Variants in SLC24A1 observed in about 807,000 individuals in gnomAD.
The protein encoded by SLC24A1 is sodium/potassium/calcium exchanger 1.
In SLC24A1, 52 loss-of-function variants were observed where a neutral mutation model predicts 88.1. The observed-to-expected ratio is 0.59, with a 90% confidence interval of 0.47 to 0.74. The LOEUF is 0.74. Ranked by LOEUF, SLC24A1 falls within the 30% of genes least tolerant of loss-of-function variation. SLC24A1 has a pLI of 0.00. For missense variants in SLC24A1, 1,173 were observed against 1,363.3 expected, an observed-to-expected ratio of 0.86 and a Z score of 2.20; for synonymous variants, 455 against 498.0, an observed-to-expected ratio of 0.91 and a Z score of 1.15.
At position 65,645,690 on chromosome 15, in the gene SLC24A1, A is replaced by G. The variant is rs1468484656; in HGVS notation, c.2219A>G (p.Asn740Ser). ...VPDIKGDQKE[N>S]PGGQEDVAEA... ...GACATCAAGGGAGATCAGAAGGAGAATCCAGGCGGTCAGGTAGGCACCCAG... is the reference window on the plus strand; with the variant it reads ...GACATCAAGGGAGATCAGAAGGAGAGTCCAGGCGGTCAGGTAGGCACCCAG... Residue 740 changes from asparagine (N) to serine (S), a missense_variant, in exon 6 of 10, where the codon AAT becomes AGT. Physicochemically the swap from Asn to Ser is conservative, Grantham distance 46 (BLOSUM62 1). Coordinates refer to ENST00000261892, the MANE Select transcript of SLC24A1 (RefSeq NM_004727.3). 13 of 1,573,478 alleles carry G rather than the reference A, an allele frequency of 8.3e-6. No individual in the cohort carries two copies. The highest frequency in any genetic ancestry group is 1.1e-5 in the Non-Finnish European group (13 of 1,159,406).
chr15:65,639,571 C>G (rs760612291), intron 3 of SLC24A1, 24 bp from the exon 4 acceptor site: 1 of 1,471,422 alleles, frequency 6.8e-7, no homozygotes. Context: ...CAGGGGCCCA[C>G]TGTGCGGCTC....
upstream of SLC24A1, among the ~76,000 whole-genome samples, chr15:65,621,197 G>A (rs2074307251): frequency 6.6e-6 from 1 of 152,252 alleles, no homozygotes; most frequent in Non-Finnish European, 1.5e-5. Flanking sequence ...GGGGCAGTCA[G>A]TAAATGTCAG....
rs1263546846 is a variant in SLC24A1, at chr15:65,635,466, A to G, written c.1891-2662A>G. Among the ~76,000 whole-genome samples the G allele has an allele frequency of 3.8e-5, 5 of 133,150 alleles. No homozygotes were observed. In the South Asian group the frequency reaches 7.0e-4, roughly 19 times the overall value. The allele number at this position is 133,150 out of a possible 152,430, so 87.4% of individuals were successfully genotyped here. A position where few individuals can be genotyped will look rare whatever the true frequency, so the allele number is the denominator to read the frequency against. ...GTCTCCAAAAAAAAAAAAAAAAAAA[A>G]AAAAGAAAAAAAAAGAAAGAACTCT... On this transcript the variant is annotated intron_variant, in intron 2 of 9. Transcript: ENST00000261892.
In SLC24A1 at chr15:65,624,429, A is replaced by G. The variant is rs1320936749; in HGVS notation, c.349A>G (p.Arg117Gly). The G allele has an allele frequency of 1.2e-6, 2 of 1,612,734 alleles. No individual in the cohort carries two copies. Among genetic ancestry groups the G allele is most frequent in the African/African-American group, 1.3e-5 (1 of 75,010 alleles). ...TVENIPSMPK[R>G]TAKMIPTTTK... is the part of the protein sequence containing the mutation. Reference sequence around the variant, plus strand: ...GGAGAATATCCCCAGTATGCCTAAAAGAACAGCCAAGATGATCCCAACAAC... The same window carrying G: ...GGAGAATATCCCCAGTATGCCTAAAGGAACAGCCAAGATGATCCCAACAAC... Residue 117 changes from arginine (R) to glycine (G), a missense_variant, in exon 2 of 10, where the codon AGA becomes GGA. Arg to Gly is a moderately radical substitution (Grantham distance 125). Coordinates refer to ENST00000261892, the MANE Select transcript of SLC24A1 (RefSeq NM_004727.3).
chr15:65,620,100 A>C (rs909832325), upstream of SLC24A1, among the ~76,000 whole-genome samples: 3 of 150,202 alleles, frequency 2.0e-5, no homozygotes, highest in Admixed American at 6.6e-5. Flanking sequence ...CTTTATTTAT[A>C]ATATTAATAA....
At position 65,656,168 on chromosome 15, in the gene SLC24A1, A is replaced by T. The variant is rs1390225322; in HGVS notation, c.*2089A>T. ...CCTGGGATCTGACGTTCTTCCTCAG[A>T]CTGGAGTAAGGAGTGATGGACCGTA... On this transcript the variant is annotated 3_prime_UTR_variant, in exon 10 of 10. Coordinates refer to ENST00000261892, the MANE Select transcript of SLC24A1 (RefSeq NM_004727.3). 5.1e-6 allele frequency: 5 copies of T among 985,248 alleles called. No individual in the cohort carries two copies. The highest frequency in any genetic ancestry group is 6.0e-6 in the Non-Finnish European group (5 of 829,886). The allele number at this position is 985,248 out of a possible 1,614,324, so 61.0% of individuals were successfully genotyped here.
intron 2 of SLC24A1, among the ~76,000 whole-genome samples, chr15:65,632,565 A>T (rs901541199): frequency 1.3e-5 from 2 of 152,182 alleles, no homozygotes; most frequent in African/African-American, 4.8e-5. Flanking sequence ...ATCACCAACA[A>T]ATGTATGGTA....
In SLC24A1 at chr15:65,624,402, G is replaced by A. The variant is rs1307937274; in HGVS notation, c.322G>A (p.Val108Met). 2 of 1,613,542 alleles carry A rather than the reference G, an allele frequency of 1.2e-6. No homozygotes were observed. Among genetic ancestry groups the A allele is most frequent in the South Asian group, 1.1e-5 (1 of 90,968 alleles). ...TGATGAAGCAACACTGAGCATGACA[G>A]TGGAGAATATCCCCAGTATGCCTAA... ...GSDEATLSMTVENIPSMPKRT... is the reference protein window; with the variant it reads ...GSDEATLSMTMENIPSMPKRT... The change falls in exon 2 of 10, where the codon GTG (valine) becomes ATG (methionine). Residue 108 changes from valine to methionine, a missense_variant. Val to Met is a conservative substitution (Grantham distance 21). Transcript: ENST00000261892.
chr15:65,659,334 T>A (rs866547076), downstream of SLC24A1: 1 of 124,978 alleles, frequency 8.0e-6, no homozygotes, highest in South Asian at 3.5e-4. Flanking sequence ...TTTTTTTTTT[T>A]TTTTTTTTTT....
intron 2 of SLC24A1, among the ~76,000 whole-genome samples, chr15:65,616,384 G>C (rs2074145613): frequency 1.3e-5 from 2 of 152,126 alleles, no homozygotes; most frequent in Admixed American, 1.3e-4. Context: ...ATCCTCTCTA[G>C]CATCTGTTGT....
chr15:65,626,754 A>AGAAGT (rs1238283895), intron 2 of SLC24A1, among the ~76,000 whole-genome samples: 2 of 152,142 alleles, frequency 1.3e-5, no homozygotes, highest in East Asian at 3.8e-4. Flanking sequence ...TATTAATTGC[A>AGAAGT]GAAGTGATCT....
chr15:65,624,127 G>T lies in SLC24A1; in HGVS notation c.47G>T (p.Arg16Leu). ...RMGPQERWLL[R>L]TKRLHWSRLL... is the part of the protein sequence containing the mutation. Reference sequence around the variant, plus strand: ...GGGCCGCAAGAGAGGTGGTTACTCCGGACAAAGCGGCTTCATTGGAGTCGC... The same window carrying T: ...GGGCCGCAAGAGAGGTGGTTACTCCTGACAAAGCGGCTTCATTGGAGTCGC... The change falls in exon 2 of 10, where the codon CGG becomes CTG. Residue 16 changes from arginine (R) to leucine (L), a missense_variant. By Grantham distance (102) the Arg-to-Leu change is moderately radical. Coordinates refer to ENST00000261892, the MANE Select transcript of SLC24A1 (RefSeq NM_004727.3). 1 of 1,612,516 alleles carries T rather than the reference G, an allele frequency of 6.2e-7. No individual in the cohort carries two copies. Among genetic ancestry groups the T allele is most frequent in the South Asian group, 1.1e-5 (1 of 90,830 alleles).
At chr15:65,660,239 T>A, downstream of SLC24A1, 2 of 1,501,756 alleles carry the variant, frequency 1.3e-6, no homozygotes, top group Non-Finnish European at 1.8e-6. Flanking sequence ...CCAAACTAAC[T>A]GAAGTTTTAC....
intron 4 of SLC24A1, 72 bp downstream of exon 4, chr15:65,639,775 TG>T: frequency 1.0e-6 from 1 of 987,244 alleles, no homozygotes; most frequent in Non-Finnish European, 1.6e-6. Context: ...GGAGAAGAAC[TG>T]GGACCTGAAA....
At chr15:65,622,993 C>T (rs2074371909) in intron 1 of SLC24A1, among the ~76,000 whole-genome samples, 1 of 152,144 alleles carries the variant, frequency 6.6e-6, no homozygotes, top group Admixed American at 6.6e-5. Context: ...CCGCCCACCT[C>T]AGCCTCCCAA....
intron 4 of SLC24A1, chr15:65,643,921 A>T (rs1353542914): frequency 6.4e-6 from 1 of 156,926 alleles, no homozygotes; most frequent in Non-Finnish European, 1.4e-5. Flanking sequence ...CCTCTAGTAG[A>T]TTCATAGAAA....
Position 65,654,005 on chromosome 15 carries a change from C to T in SLC24A1, c.3226C>T (p.Leu1076Phe), listed in dbSNP as rs893054721. 1 of 1,613,368 alleles carries T rather than the reference C, an allele frequency of 6.2e-7. No homozygotes were observed. Among genetic ancestry groups the T allele is most frequent in the East Asian group, 2.2e-5 (1 of 44,878 alleles). The change falls in exon 10 of 10, where the codon CTC (leucine) becomes TTC (phenylalanine). Residue 1076 changes from leucine (L) to phenylalanine (F), a missense_variant. Leu to Phe is a conservative substitution (Grantham distance 22, BLOSUM62 0). Transcript: ENST00000261892. ...CAAGATCCTGGGCTTCACAATGTTC[C>T]TCCTTTACTTTGTATTCCTGATAAT... is the stretch of plus-strand genomic sequence containing the variant. ...MNKILGFTMFLLYFVFLIISV... is the reference protein window; with the variant it reads ...MNKILGFTMFFLYFVFLIISV...
chr15:65,622,895 C>A (rs2074368829), intron 1 of SLC24A1, among the ~76,000 whole-genome samples: 1 of 152,074 alleles, frequency 6.6e-6, no homozygotes, highest in Non-Finnish European at 1.5e-5. Context: ...GCATGCACCA[C>A]CACGCCTGGC....
chr15:65,655,827 T>A lies in SLC24A1; in HGVS notation c.*1748T>A, dbSNP rs1321501659. ...TCTCATTCTTTGGAAATAATTTTTA[T>A]TAAATTTCAATAAACTGTGAATCCC... On this transcript the variant is annotated 3_prime_UTR_variant, in exon 10 of 10. Transcript: ENST00000261892. The A allele has an allele frequency of 1.0e-6, 1 of 984,766 alleles. No individual in the cohort carries two copies. Among genetic ancestry groups the A allele is most frequent in the African/African-American group, 1.7e-5 (1 of 57,242 alleles). The allele number at this position is 984,766 out of a possible 1,614,324, so 61.0% of individuals were successfully genotyped here.
Sources: allele counts gnomAD v4.1 joint callset (sites outside exome capture counted in the v4.1 genomes callset), GRCh38; gene constraint gnomAD v4.1.1; transcripts MANE v1.5; gene names NCBI Gene and HGNC (gene_info 2026-07-23, HGNC 2026-07-21).